ZBBX: variants seen among roughly 807,000 people sequenced by gnomAD.
The protein encoded by ZBBX is zinc finger B-box domain-containing protein 1.
In ZBBX, 101 loss-of-function variants were observed where a neutral mutation model predicts 108.5. The observed-to-expected ratio is 0.93, with a 90% CI of 0.79 to 1.10. The LOEUF is 1.10. ZBBX is among the 50% of genes least tolerant of loss of function. ZBBX has a pLI of 0.00. For missense variants in ZBBX, 1,009 were observed against 941.4 expected, an observed-to-expected ratio of 1.07 and a Z score of -0.94; for synonymous variants, 356 against 323.4, an observed-to-expected ratio of 1.10 and a Z score of -1.08.
At chr3:167,289,321 G>A (rs1284851318) in intron 18 of ZBBX, among the ~76,000 whole-genome samples, 1 of 152,130 alleles carries the variant, frequency 6.6e-6, no homozygotes, top group Non-Finnish European at 1.5e-5. Context: ...AGAGAAGATG[G>A]CCAAATAGGA....
chr3:167,302,430 T>C (rs978696004), intron 17 of ZBBX, among the ~76,000 whole-genome samples: 2 of 152,206 alleles, frequency 1.3e-5, no homozygotes, highest in Non-Finnish European at 2.9e-5. Context: ...TTTACCCTGA[T>C]AATGTTTTAT....
chr3:167,282,362 A>C lies in ZBBX; in HGVS notation c.2130T>G (p.Ser710=). ...AAAQSSSRAA[S]EISEIEYIDI... The stretch of plus-strand genomic sequence containing the variant: ...CAATATATTCAATTTCTGAAATTTC[A>C]GAAGCAGCTCTAGATGATGATTGAG... Residue 710 remains serine (S), a synonymous_variant, in exon 20 of 22, where the codon TCT becomes TCG. Coordinates refer to ENST00000675490, the MANE Select transcript of ZBBX (RefSeq NM_001199201.2). The C allele has an allele frequency of 6.2e-7, 1 of 1,614,160 alleles. No individual in the cohort carries two copies. Among genetic ancestry groups the C allele is most frequent in the Non-Finnish European group, 8.5e-7 (1 of 1,180,008 alleles).
the ZBBX span, among the ~76,000 whole-genome samples, chr3:167,184,441 T>G: frequency 6.6e-6 from 1 of 152,128 alleles, no homozygotes; most frequent in East Asian, 1.9e-4. Context: ...CCGCTTGGCC[T>G]TGGCAGTTCT....
chr3:167,254,761 TA>T (rs937747032), intron 20 of ZBBX, among the ~76,000 whole-genome samples: 5 of 151,918 alleles, frequency 3.3e-5, no homozygotes, highest in African/African-American at 9.6e-5. Context: ...ACCCTGTGTT[TA>T]AAAAAAATGC....
chr3:167,336,820 T>C (rs1373592688), intron 9 of ZBBX, among the ~76,000 whole-genome samples: 1 of 152,212 alleles, frequency 6.6e-6, no homozygotes, highest in African/African-American at 2.4e-5. Flanking sequence ...TTTAGTTTTG[T>C]TTGTTTCTTT....
intron 11 of ZBBX, among the ~76,000 whole-genome samples, chr3:167,325,364 G>C (rs894751169): frequency 6.6e-6 from 1 of 152,142 alleles, no homozygotes; most frequent in African/African-American, 2.4e-5. Context: ...GTGGGCAAGA[G>C]AGAGCTTGTG....
chr3:167,192,552 CT>C, the ZBBX span, among the ~76,000 whole-genome samples: 1 of 152,104 alleles, frequency 6.6e-6, no homozygotes, highest in Non-Finnish European at 1.5e-5. Flanking sequence ...TCAGGATGTT[CT>C]CTTTAATCGT....
At chr3:167,199,234 C>T in the ZBBX span, among the ~76,000 whole-genome samples, 9 of 152,214 alleles carry the variant, frequency 5.9e-5, no homozygotes, top group African/African-American at 1.2e-4. Context: ...TGAATTGTAC[C>T]ACTGAAAGCT....
At chr3:167,313,913 C>T in intron 16 of ZBBX, 61 bp downstream of exon 16, 5 of 1,412,404 alleles carry the variant, frequency 3.5e-6, no homozygotes, top group Non-Finnish European at 4.7e-6. Flanking sequence ...CTTTTATAGA[C>T]TGCAATAGTA....
At chr3:167,391,774 A>AT (rs1195446044) in intron 1 of ZBBX, among the ~76,000 whole-genome samples, 1 of 151,794 alleles carries the variant, frequency 6.6e-6, no homozygotes, top group African/African-American at 2.4e-5. Context: ...AATATGTTAA[A>AT]TTTTACATTT....
the ZBBX span, among the ~76,000 whole-genome samples, chr3:167,181,677 A>G: frequency 1.3e-5 from 2 of 152,172 alleles, no homozygotes; most frequent in Admixed American, 6.5e-5. Context: ...ATACAACACA[A>G]TCAGGAGCTG....
chr3:167,218,270 A>G, the ZBBX span, among the ~76,000 whole-genome samples: 2 of 152,184 alleles, frequency 1.3e-5, no homozygotes, highest in African/African-American at 4.8e-5. Context: ...ATAATTTAAA[A>G]AATCATCTGA....
chr3:167,224,836 G>A, the ZBBX span, among the ~76,000 whole-genome samples: 1 of 151,784 alleles, frequency 6.6e-6, no homozygotes, highest in Non-Finnish European at 1.5e-5. Context: ...ATTTTCCACT[G>A]TTCTCTCTCT....
the ZBBX span, among the ~76,000 whole-genome samples, chr3:167,214,206 A>G: frequency 6.6e-6 from 1 of 152,184 alleles, no homozygotes; most frequent in Non-Finnish European, 1.5e-5. Flanking sequence ...CCCACTTAAA[A>G]GACACAGAGT....
At chr3:167,336,740 A>G (rs1277741282) in intron 9 of ZBBX, among the ~76,000 whole-genome samples, 3 of 152,198 alleles carry the variant, frequency 2.0e-5, no homozygotes, top group African/African-American at 7.2e-5. Context: ...AGATTTGAAC[A>G]TTGTTCTTTG....
chr3:167,250,017 G>A (rs1277491278), intron 20 of ZBBX, among the ~76,000 whole-genome samples: 1 of 152,160 alleles, frequency 6.6e-6, no homozygotes, highest in Non-Finnish European at 1.5e-5. Flanking sequence ...AAATCCCACT[G>A]CCTTCCTGGA....
the ZBBX span, among the ~76,000 whole-genome samples, chr3:167,209,947 A>G: frequency 5.3e-5 from 8 of 152,062 alleles, no homozygotes; most frequent in Admixed American, 3.9e-4. Flanking sequence ...AAAATCAGCT[A>G]GGCATGGTGG....
chr3:167,334,466 C>T lies in ZBBX; in HGVS notation c.529-481G>A, dbSNP rs568143141. Among the ~76,000 whole-genome samples the T allele has an allele frequency of 1.1e-4, 16 of 151,856 alleles. No individual in the cohort carries two copies. In the East Asian group the frequency reaches 1.9e-3, roughly 18 times the overall value. ...GTGTGTGCCTGTAGTCTCCGCTACT[C>T]GGGAGGCTGAGACAGGAGGATTGCT... is the stretch of plus-strand genomic sequence containing the variant. On this transcript the variant is annotated intron_variant, in intron 9 of 21. Coordinates refer to ENST00000675490, the MANE Select transcript of ZBBX (RefSeq NM_001199201.2).
intron 20 of ZBBX, among the ~76,000 whole-genome samples, chr3:167,278,564 T>C (rs2108508632): frequency 6.8e-6 from 1 of 148,114 alleles, no homozygotes; most frequent in East Asian, 2.0e-4. Flanking sequence ...AAGTTGAATC[T>C]CTGAATAGAC....
Sources: gnomAD v4.1 joint callset for allele counts (sites outside exome capture counted in the v4.1 genomes callset) on GRCh38, gnomAD v4.1.1 for gene constraint, MANE v1.5 for transcripts, NCBI Gene and HGNC (gene_info 2026-07-23, HGNC 2026-07-21) for gene names.